The following MCF2L variants were observed in gnomAD, a reference collection of about 807,000 sequenced individuals.
MCF2L encodes the protein MCF.2 cell line derived transforming sequence like.
In MCF2L, 97 loss-of-function variants were observed where a neutral mutation model predicts 153.4. The ratio of observed to expected loss-of-function variants is 0.63; its 90% CI spans 0.54 to 0.75. MCF2L has a LOEUF of 0.75. Among genes scored for constraint, MCF2L ranks in the 30% least tolerant of loss-of-function variants. MCF2L has a pLI of 0.00. For missense variants in MCF2L, 1,347 were observed against 1,495.2 expected, an observed-to-expected ratio of 0.90 and a Z score of 1.64; for synonymous variants, 659 against 632.2, an observed-to-expected ratio of 1.04 and a Z score of -0.64.
intron 2 of MCF2L, among the ~76,000 whole-genome samples, chr13:112,930,807 C>T (rs1375031002): frequency 1.3e-5 from 2 of 152,036 alleles, no homozygotes; most frequent in African/African-American, 2.4e-5. Context: ...CATGGTGGAG[C>T]GTGCCTGTAA....
intron 2 of MCF2L, among the ~76,000 whole-genome samples, chr13:112,905,075 G>A (rs561323276): frequency 7.0e-4 from 107 of 152,180 alleles, no homozygotes; most frequent in Non-Finnish European, 1.3e-3. Context: ...TTAAACACCC[G>A]CTCCCATTCC....
intron 26 of MCF2L, among the ~76,000 whole-genome samples, chr13:113,093,411 G>A (rs1015506448): frequency 6.6e-6 from 1 of 152,264 alleles, no homozygotes; most frequent in Non-Finnish European, 1.5e-5. Context: ...TGACAGTGGT[G>A]CCCAGGCCCA....
rs1351686509 is a variant in MCF2L at position 113,096,947 on chromosome 13, C to T, written c.*88C>T. The stretch of plus-strand genomic sequence containing the variant: ...GCCCCCGGACGCCCCGAGGAAGGGG[C>T]ACCTCACCGCCCCCACCCAGAGCGC... On this transcript the variant is annotated 3_prime_UTR_variant, in exon 30 of 30. Coordinates refer to ENST00000535094, the MANE Select transcript of MCF2L (RefSeq NM_001112732.3). The T allele has an allele frequency of 5.2e-6, 5 of 958,658 alleles. No individual in the cohort carries two copies. The highest frequency in any genetic ancestry group is 7.3e-5 in the East Asian group (2 of 27,362). The allele number at this position is 958,658 out of a possible 1,614,324, so 59.4% of individuals were successfully genotyped here. A position where few individuals can be genotyped will look rare whatever the true frequency, so the allele number is the denominator to read the frequency against.
At position 113,027,230 on chromosome 13, in the gene MCF2L, C is replaced by T. The variant is rs988553200; in HGVS notation, c.278+2472C>T. On this transcript the variant is annotated intron_variant, in intron 3 of 29. Coordinates refer to ENST00000535094, the MANE Select transcript of MCF2L (RefSeq NM_001112732.3). The surrounding 1 kb of genome is among the most constrained non-coding windows in gnomAD (Gnocchi z 4.8). ...GGGCCTGGTAACTGAGAGCTCAGCC[C>T]GTCGGCCTGACCTGGAAAGCAGCAC... Among the ~76,000 whole-genome samples the T allele has an allele frequency of 2.0e-5, 3 of 152,264 alleles. No homozygotes were observed. The highest frequency in any genetic ancestry group is 4.2e-4 in the South Asian group (2 of 4,810).
chr13:113,009,999 T>A (rs1179084115), intron 1 of MCF2L: 1 of 152,110 alleles, frequency 6.6e-6, no homozygotes, highest in African/African-American at 2.4e-5. Flanking sequence ...ACTTGTCCTC[T>A]CCTCTGCCCA....
At position 113,012,431 on chromosome 13, in the gene MCF2L, C is replaced by T. The variant is rs575237986; in HGVS notation, c.80-2332C>T. Among the ~76,000 whole-genome samples the T allele has an allele frequency of 7.4e-3, 783 of 105,412 alleles. 135 individuals are homozygous for T. The highest frequency in any genetic ancestry group is 0.014 in the Middle Eastern group (2 of 138). The allele number at this position is 105,412 out of a possible 152,430, so 69.2% of individuals were successfully genotyped here. A position where few individuals can be genotyped will look rare whatever the true frequency, so the allele number is the denominator to read the frequency against. Reference sequence around the variant, plus strand: ...GCGGACGGTGGACAGGCAGTGTGGACGGTGGACACTGCAGTGCGGATGGTG... The same window carrying T: ...GCGGACGGTGGACAGGCAGTGTGGATGGTGGACACTGCAGTGCGGATGGTG... On this transcript the variant is annotated intron_variant, in intron 1 of 29. Transcript: ENST00000535094.
At chr13:113,019,935 G>A (rs995946109) in intron 2 of MCF2L, among the ~76,000 whole-genome samples, 4 of 152,194 alleles carry the variant, frequency 2.6e-5, no homozygotes, top group Non-Finnish European at 5.9e-5. Context: ...ATAAATTTCT[G>A]TTGTTTGGGC....
rs550795778 is a variant in MCF2L at position 113,053,470 on chromosome 13, G to A, written c.370-7123G>A. On this transcript the variant is annotated intron_variant, in intron 4 of 29. Transcript: ENST00000535094. The surrounding 1 kb of genome is among the most constrained non-coding windows in gnomAD (Gnocchi z 4.4). The stretch of plus-strand genomic sequence containing the variant: ...GGTGGGTGAGCTTCTGGGGCAGCCC[G>A]TGGAGGCCCAGGATGTCCATGTGTC... Among the ~76,000 whole-genome samples, 22 of 152,340 alleles carry A rather than the reference G, an allele frequency of 1.4e-4. 1 individual carries two copies. In the East Asian group the frequency reaches 2.3e-3, roughly 16 times the overall value.
chr13:113,036,677 A>T (rs2086175051), intron 3 of MCF2L, among the ~76,000 whole-genome samples: 1 of 151,974 alleles, frequency 6.6e-6, no homozygotes, highest in Admixed American at 6.5e-5. Context: ...CCTCTCACCC[A>T]GGAGCCCTCT....
chr13:112,926,657 G>C (rs1290063046), intron 2 of MCF2L, among the ~76,000 whole-genome samples: 1 of 152,210 alleles, frequency 6.6e-6, no homozygotes, highest in Non-Finnish European at 1.5e-5. Context: ...CGTATCATTT[G>C]TGACAACATA....
At chr13:113,055,665 T>C (rs1272172769) in intron 4 of MCF2L, among the ~76,000 whole-genome samples, 3 of 152,190 alleles carry the variant, frequency 2.0e-5, no homozygotes, top group African/African-American at 7.2e-5. Context: ...CTTTGGGGCT[T>C]GCTTCTCGAA....
chr13:113,090,043 A>G (rs1249487519), intron 26 of MCF2L: 4 of 1,586,642 alleles, frequency 2.5e-6, no homozygotes, highest in Non-Finnish European at 8.6e-7. Context: ...TGCCCTCTGC[A>G]TAGTTTCTTT....
At chr13:113,024,120 C>T (rs1302318139) in intron 2 of MCF2L, among the ~76,000 whole-genome samples, 1 of 152,138 alleles carries the variant, frequency 6.6e-6, no homozygotes, top group Non-Finnish European at 1.5e-5. Flanking sequence ...AGTCAGTGTT[C>T]GAATGGAGCT....
intron 1 of MCF2L, among the ~76,000 whole-genome samples, chr13:112,897,244 G>A (rs140662912): frequency 9.8e-5 from 15 of 152,290 alleles, no homozygotes; most frequent in Non-Finnish European, 2.1e-4. Flanking sequence ...TTCAGCCAAC[G>A]GTAGGATACG....
upstream of MCF2L, chr13:112,968,768 G>C: frequency 7.4e-7 from 1 of 1,358,418 alleles, no homozygotes; most frequent in South Asian, 1.8e-5. Context: ...GCACTCGCTC[G>C]GTCCACTCGC....
At position 112,941,977 on chromosome 13, in the gene MCF2L, C is replaced by T. The variant is rs545898614; in HGVS notation, c.169+39606C>T. ...GCGGTAACGCCAGCATCTGGGAAGA[C>T]GCCCGTTGCCAAGCGGACCATGGTC... On this transcript the variant is annotated intron_variant, in intron 2 of 29. Coordinates refer to the MCF2L transcript ENST00000375608. The surrounding 1 kb of genome is among the most constrained non-coding windows in gnomAD (Gnocchi z 4.9). Among the ~76,000 whole-genome samples the T allele has an allele frequency of 1.6e-3, 249 of 152,298 alleles. 1 individual carries two copies. Among genetic ancestry groups the T allele is most frequent in the African/African-American group, 5.7e-3 (237 of 41,554 alleles).
intron 2 of MCF2L, among the ~76,000 whole-genome samples, chr13:112,911,522 C>A (rs776730710): frequency 6.6e-6 from 1 of 152,214 alleles, no homozygotes; most frequent in Non-Finnish European, 1.5e-5. Context: ...GGGAATGGCC[C>A]GCCCACCATG....
chr13:113,022,327 TC>T (rs2084931270), intron 2 of MCF2L, among the ~76,000 whole-genome samples: 1 of 151,890 alleles, frequency 6.6e-6, no homozygotes, highest in Non-Finnish European at 1.5e-5. Flanking sequence ...CCGCTCCTCT[TC>T]CTAGCTGGGC....
rs376755102 is a variant in MCF2L, at chr13:112,911,703, C to T, written c.169+9332C>T. Among the ~76,000 whole-genome samples, 379 of 152,370 alleles carry T rather than the reference C, an allele frequency of 2.5e-3. 3 individuals carry two copies. The highest frequency in any genetic ancestry group is 8.5e-3 in the African/African-American group (355 of 41,590). ...AGGCCGAGGGCGCGGCGGGCCTGCG[C>T]CAGCCTTTCCTCACAGAATACCCGG... On this transcript the variant is annotated intron_variant, in intron 2 of 29. Coordinates refer to the MCF2L transcript ENST00000375608.
Sources: allele counts gnomAD v4.1 joint callset (sites outside exome capture counted in the v4.1 genomes callset), GRCh38; gene constraint gnomAD v4.1.1; non-coding constraint Gnocchi (gnomAD v3.1); transcripts MANE v1.5; gene names NCBI Gene and HGNC (gene_info 2026-07-23, HGNC 2026-07-21).